Variants in SCN4A observed in about 807,000 individuals in gnomAD.
SCN4A encodes sodium channel protein type 4 subunit alpha.
SCN4A carries 83 observed loss-of-function variants against 162.0 expected under a neutral mutation model. The ratio of observed to expected loss-of-function variants is 0.51; its 90% confidence interval spans 0.43 to 0.61. The LOEUF (loss-of-function observed/expected upper bound fraction) is 0.61, where lower values mean the gene tolerates loss of function less well. SCN4A is among the 20% of genes least tolerant of loss of function. SCN4A has a pLI of 0.00. For missense variants in SCN4A, 2,196 were observed against 2,462.5 expected (o/e 0.89, Z 2.29); for synonymous variants, 944 against 985.1 (o/e 0.96, Z 0.78).
intron 16 of SCN4A, 144 bp downstream of exon 16, chr17:63,948,467 A>G (rs893360875): frequency 2.1e-5 from 14 of 669,642 alleles, no homozygotes; most frequent in African/African-American, 1.6e-4. Flanking sequence ...CCTATCCCGG[A>G]GGCACAGCGA....
chr17:63,940,730 GGACTATGCCGA>G lies in SCN4A; in HGVS notation c.*30_*40del, dbSNP rs1398523573. 6.6e-7 allele frequency: 1 copy of G among 1,524,492 alleles called. No homozygotes were observed. The highest frequency in any genetic ancestry group is 8.8e-7 in the Non-Finnish European group (1 of 1,136,242). The allele number at this position is 1,524,492 out of a possible 1,614,324, so 94.4% of individuals were successfully genotyped here. ...TGCAGGCACCACGGGGGAGCTCTGG[GGACTATGCCGA>G]GACTCAGTGGGCCACCCCGATGCTG... On this transcript the variant is annotated 3_prime_UTR_variant, in exon 24 of 24. Transcript: ENST00000435607.
At chr17:63,946,929 A>G (rs545883142) in intron 18 of SCN4A, 116 bp downstream of exon 18, 3 of 1,079,576 alleles carry the variant, frequency 2.8e-6, no homozygotes, top group African/African-American at 3.1e-5. Context: ...CCGTGGGTCC[A>G]AGCTCTCTGC....
intron 5 of SCN4A, among the ~76,000 whole-genome samples, chr17:63,969,194 A>T (rs1161330988): frequency 1.3e-5 from 2 of 152,140 alleles, no homozygotes; most frequent in Non-Finnish European, 2.9e-5. Context: ...TGACCACAGA[A>T]CCCTTTTCCT....
Position 63,966,323 on chromosome 17 carries a change from T to A in SCN4A, c.1101-80A>T, listed in dbSNP as rs542782959. 28 of 1,486,386 alleles carry A rather than the reference T, an allele frequency of 1.9e-5. No individual in the cohort carries two copies. The East Asian group carries it at 6.6e-4, about 35-fold the overall frequency. The allele number at this position is 1,486,386 out of a possible 1,614,324, so 92.1% of individuals were successfully genotyped here. ...GCAGATAGGGACCCCAAGGGAAAAA[T>A]TCCGTCAGTTCTGCCTGTGTCCCCC... On this transcript the variant is annotated intron_variant, in intron 7 of 23. Coordinates refer to ENST00000435607, the MANE Select transcript of SCN4A (RefSeq NM_000334.4).
Position 63,959,326 on chromosome 17 carries a change from C to A in SCN4A, c.1958G>T (p.Ser653Ile). Reference protein sequence around the residue: ...NIFDSIIVTLSLVELGLANVQ... With the variant: ...NIFDSIIVTLILVELGLANVQ... ...GTTGGCCAGGCCTAGCTCTACCAGGCTGAGGGTGACGATGATGCTGTCGAA... is the reference window on the plus strand; with the variant it reads ...GTTGGCCAGGCCTAGCTCTACCAGGATGAGGGTGACGATGATGCTGTCGAA... Residue 653 changes from serine to isoleucine, a missense_variant, in exon 12 of 24, where the codon AGC becomes ATC. Ser to Ile is a moderately radical substitution (Grantham distance 142). Coordinates refer to ENST00000435607, the MANE Select transcript of SCN4A (RefSeq NM_000334.4). The A allele has an allele frequency of 6.2e-7, 1 of 1,614,016 alleles. No individual in the cohort carries two copies. The highest frequency in any genetic ancestry group is 1.3e-5 in the African/African-American group (1 of 75,034).
chr17:63,967,116 A>G (rs1323117888), intron 6 of SCN4A, among the ~76,000 whole-genome samples: 4 of 151,774 alleles, frequency 2.6e-5, no homozygotes, highest in Non-Finnish European at 5.9e-5. Context: ...GTTAGGGAGT[A>G]GGAACTATAG....
At chr17:63,971,635 C>T in intron 4 of SCN4A, 87 bp downstream of exon 4, 1 of 1,259,690 alleles carries the variant, frequency 7.9e-7, no homozygotes, top group Non-Finnish European at 1.1e-6. Context: ...CCCCTGCAGC[C>T]CTCAGCCCAG....
At chr17:63,952,600 G>A (rs1411924487) in intron 13 of SCN4A, among the ~76,000 whole-genome samples, 2 of 152,104 alleles carry the variant, frequency 1.3e-5, no homozygotes, top group African/African-American at 2.4e-5. Flanking sequence ...TATAGACCCC[G>A]CACTCCTGGA....
At chr17:63,955,447 T>C (rs1489776874) in intron 13 of SCN4A, among the ~76,000 whole-genome samples, 1 of 152,216 alleles carries the variant, frequency 6.6e-6, no homozygotes, top group Non-Finnish European at 1.5e-5. Context: ...ATGCGTAACA[T>C]AATCCTTGCA....
rs756370516 is a variant in SCN4A, at chr17:63,941,395, G to A, written c.4887C>T (p.Pro1629=). The A allele has an allele frequency of 2.4e-5, 39 of 1,613,766 alleles. No individual in the cohort carries two copies. Among genetic ancestry groups the A allele is most frequent in the East Asian group, 8.9e-5 (4 of 44,890 alleles). The change falls in exon 24 of 24, where the codon CCC becomes CCT. Residue 1629 remains proline, a synonymous_variant. Transcript: ENST00000435607. This position sits in a 1 kb window ranked among gnomAD's most constrained non-coding sequence, Gnocchi z 6.2. ...MFYETWEKFD[P]DATQFIAYSR... ...TGTAGGCGATGAACTGGGTGGCGTC[G>A]GGGTCGAACTTCTCCCATGTCTCGT...
chr17:63,964,798 G>A, intron 8 of SCN4A, 121 bp from the exon 9 acceptor site: 5 of 738,606 alleles, frequency 6.8e-6, no homozygotes, highest in Non-Finnish European at 8.9e-6. Context: ...CACAGAGCCT[G>A]GGGGACTGAT....
intron 12 of SCN4A, 62 bp downstream of exon 12, chr17:63,959,203 A>C (rs1597978551): frequency 3.5e-6 from 5 of 1,440,360 alleles, no homozygotes; most frequent in Non-Finnish European, 3.8e-6. Context: ...CCCTGTGCCC[A>C]CCCTCCTTAG....
At chr17:63,967,616 C>T (rs368471095) in intron 6 of SCN4A, among the ~76,000 whole-genome samples, 54 of 152,106 alleles carry the variant, frequency 3.6e-4, no homozygotes, top group African/African-American at 1.1e-3. Context: ...CTCAGGTCCT[C>T]GCCATACTAT....
In SCN4A at chr17:63,972,913, T is replaced by C; in HGVS notation, c.-72A>G. 1.4e-6 allele frequency: 2 copies of C among 1,462,538 alleles called. No individual in the cohort carries two copies. The highest frequency in any genetic ancestry group is 1.8e-6 in the Non-Finnish European group (2 of 1,101,676). 90.6% of individuals were successfully genotyped at this position (1,462,538 alleles called of 1,614,324 possible). The stretch of plus-strand genomic sequence containing the variant: ...GGAGCTGCAGTGCGCAGCCCCGGGG[T>C]GCTGGGCGGCCGCCCCTCCCTGGGC... On this transcript the variant is annotated 5_prime_UTR_variant, in exon 1 of 24. Transcript: ENST00000435607. This position sits in a 1 kb window ranked among gnomAD's most constrained non-coding sequence, Gnocchi z 4.3.
In SCN4A at chr17:63,966,256, C is replaced by T. The variant is rs1014410529; in HGVS notation, c.1101-13G>A. 2 of 1,601,010 alleles carry T rather than the reference C, an allele frequency of 1.2e-6. No individual in the cohort carries two copies. Among genetic ancestry groups the T allele is most frequent in the Non-Finnish European group, 1.7e-6 (2 of 1,173,880 alleles). On this transcript the variant is annotated splice_polypyrimidine_tract_variant and intron_variant, in intron 7 of 23. Coordinates refer to ENST00000435607, the MANE Select transcript of SCN4A (RefSeq NM_000334.4). ...CTCAGGGCAGTGCCTAGGAATAGGA[C>T]AGGGGGCTGGGTTTAGGGTGGGAGG... is the stretch of plus-strand genomic sequence containing the variant.
chr17:63,941,288 T>G lies in SCN4A; in HGVS notation c.4994A>C (p.Asp1665Ala), dbSNP rs758866720. 2.4e-5 allele frequency: 38 copies of G among 1,613,710 alleles called. No individual in the cohort carries two copies. Among genetic ancestry groups the G allele is most frequent in the Non-Finnish European group, 2.5e-5 (30 of 1,179,850 alleles). Residue 1665 changes from aspartate (D) to alanine (A), a missense_variant, in exon 24 of 24, where the codon GAC (aspartate) becomes GCC (alanine). By Grantham distance (126) the Asp-to-Ala change is moderately radical (BLOSUM62 -2). Transcript: ENST00000435607. The surrounding 1 kb of genome is among the most constrained non-coding windows in gnomAD (Gnocchi z 6.2). ...CTTGTCCCCTGGCACCATGGGCAAG[T>G]CCAGTGTGATGAGCTTGATCTTGTT... is the stretch of plus-strand genomic sequence containing the variant. ...KPNKIKLITLDLPMVPGDKIH... is the reference protein window; with the variant it reads ...KPNKIKLITLALPMVPGDKIH...
chr17:63,951,640 C>T lies in SCN4A; in HGVS notation c.2637G>A (p.Lys879=), dbSNP rs1259893230. 1 of 1,609,520 alleles carries T rather than the reference C, an allele frequency of 6.2e-7. No individual in the cohort carries two copies. The highest frequency in any genetic ancestry group is 2.2e-5 in the East Asian group (1 of 44,690). Residue 879 remains lysine (K), a synonymous_variant, in exon 14 of 24, where the codon AAG becomes AAA. Coordinates refer to ENST00000435607, the MANE Select transcript of SCN4A (RefSeq NM_000334.4). The surrounding 1 kb of genome is among the most constrained non-coding windows in gnomAD (Gnocchi z 4.5). ...TCAGGTCCTCCTCGGGCGGCTCCTT[C>T]TTCTCATCCTCGGGGGCAGTCTCCC... ...EAGETAPEDE[K]KEPPEEDLKK...
In SCN4A at chr17:63,966,210, G is replaced by T. The variant is rs762198335; in HGVS notation, c.1134C>A (p.Thr378=). 1.9e-6 allele frequency: 3 copies of T among 1,603,482 alleles called. No homozygotes were observed. The highest frequency in any genetic ancestry group is 1.3e-5 in the African/African-American group (1 of 74,774). Residue 378 remains threonine, a synonymous_variant, in exon 8 of 24, where the codon ACC becomes ACA. Transcript: ENST00000435607. ...TGTAGCCATAGTTGGGGTTCCGCCC[G>T]GTCTTGATGCACTCATAACCCTCAG... ...HCPEGYECIK[T]GRNPNYGYTS... is the part of the protein sequence containing the mutation.
intron 15 of SCN4A, 33 bp downstream of exon 15, chr17:63,949,360 G>T: frequency 6.5e-7 from 1 of 1,546,438 alleles, no homozygotes; most frequent in Non-Finnish European, 8.7e-7. Flanking sequence ...AGGCCTGGGG[G>T]AGACACCCAG....
Sources: gnomAD v4.1 joint callset for allele counts (sites outside exome capture counted in the v4.1 genomes callset) on GRCh38, gnomAD v4.1.1 for gene constraint, Gnocchi (gnomAD v3.1) non-coding constraint, MANE v1.5 for transcripts, NCBI Gene and HGNC (gene_info 2026-07-23, HGNC 2026-07-21) for gene names.